Variants in PAG1 observed in about 807,000 individuals in gnomAD.
PAG1 encodes phosphoprotein membrane anchor with glycosphingolipid microdomains 1, also known as phosphoprotein associated with glycosphingolipid-enriched microdomains 1.
A neutral mutation model predicts 31.7 loss-of-function variants in PAG1; 23 were observed. That is an observed-to-expected ratio of 0.73 (90% CI 0.52 to 1.03). The LOEUF is 1.03. Among genes scored for constraint, PAG1 ranks in the 50% least tolerant of loss-of-function variants. The pLI is 0.00. For missense variants in PAG1, 473 were observed against 540.7 expected, an observed-to-expected ratio of 0.87 and a Z score of 1.24; for synonymous variants, 214 against 210.3, an observed-to-expected ratio of 1.02 and a Z score of -0.15.
At chr8:81,095,456 C>T (rs1261280028) in intron 1 of PAG1, among the ~76,000 whole-genome samples, 1 of 152,210 alleles carries the variant, frequency 6.6e-6, no homozygotes, top group Non-Finnish European at 1.5e-5. Flanking sequence ...TGGCCTCCTT[C>T]AACTGCCTGC....
chr8:81,025,653 T>C (rs953115930), intron 3 of PAG1, among the ~76,000 whole-genome samples: 5 of 152,228 alleles, frequency 3.3e-5, no homozygotes, highest in Non-Finnish European at 7.3e-5. Flanking sequence ...GGCAGTACCC[T>C]GGTCCTTTCT....
chr8:81,103,810 T>C (rs555477652), intron 1 of PAG1, among the ~76,000 whole-genome samples: 1 of 152,298 alleles, frequency 6.6e-6, no homozygotes, highest in Admixed American at 6.5e-5. Flanking sequence ...ACCTTCTCTT[T>C]CAGTGTGTTT....
chr8:80,984,659 C>T, intron 7 of PAG1, 117 bp downstream of exon 7: 2 of 949,968 alleles, frequency 2.1e-6, no homozygotes, highest in South Asian at 1.7e-5. Flanking sequence ...AAACAGCTCT[C>T]ATCATTCAAC....
At chr8:80,985,409 A>G in intron 6 of PAG1, 32 bp from the exon 7 acceptor site, 1 of 1,559,788 alleles carries the variant, frequency 6.4e-7, no homozygotes. Context: ...AAGCGGAGAA[A>G]GGCAAGTCTT....
rs771288662 is a variant in PAG1, at chr8:80,987,403, T to G, written c.241A>C (p.Ser81Arg). ...TTGGTGAGTGCCCCATTCTGCTCACTGCTGGCAGGAGCATCTGTTGCCAGG... is the reference window on the plus strand; with the variant it reads ...TTGGTGAGTGCCCCATTCTGCTCACGGCTGGCAGGAGCATCTGTTGCCAGG... ...TSLATDAPAS[S>R]EQNGALTNGD... Residue 81 changes from serine (S) to arginine (R), a missense_variant, in exon 6 of 9, where the codon AGT becomes CGT. Physicochemically the swap from Ser to Arg is moderately radical, Grantham distance 110. Transcript: ENST00000220597. 1.9e-5 allele frequency: 31 copies of G among 1,613,702 alleles called. No homozygotes were observed. Among genetic ancestry groups the G allele is most frequent in the Non-Finnish European group, 2.5e-5 (29 of 1,179,674 alleles).
chr8:81,093,388 A>G (rs1466874357), intron 1 of PAG1, among the ~76,000 whole-genome samples: 3 of 152,236 alleles, frequency 2.0e-5, no homozygotes, highest in Admixed American at 6.5e-5. Context: ...TAGAACATAG[A>G]TGTTTCCAGA....
intron 3 of PAG1, among the ~76,000 whole-genome samples, chr8:81,019,093 G>A (rs1808118967): frequency 6.6e-6 from 1 of 152,216 alleles, no homozygotes; most frequent in Admixed American, 6.5e-5. Context: ...CAAAGAGACT[G>A]GCAGCATTGT....
At chr8:81,049,157 C>T (rs1345054304) in intron 2 of PAG1, among the ~76,000 whole-genome samples, 7 of 152,084 alleles carry the variant, frequency 4.6e-5, no homozygotes, top group Admixed American at 2.6e-4. Context: ...AGGCATATAC[C>T]GATAGATTTT....
intron 1 of PAG1, among the ~76,000 whole-genome samples, chr8:81,086,405 T>C (rs972971968): frequency 3.3e-5 from 5 of 152,190 alleles, no homozygotes; most frequent in African/African-American, 9.7e-5. Flanking sequence ...TAGTTCATTT[T>C]TTCATCCTCA....
At chr8:81,060,379 C>A (rs1461791986) in intron 2 of PAG1, among the ~76,000 whole-genome samples, 1 of 152,146 alleles carries the variant, frequency 6.6e-6, no homozygotes, top group Non-Finnish European at 1.5e-5. Context: ...AGCAGAGCAG[C>A]CACGGATGTT....
chr8:81,052,043 T>C (rs1244215660), intron 2 of PAG1, among the ~76,000 whole-genome samples: 3 of 146,496 alleles, frequency 2.0e-5, no homozygotes, highest in South Asian at 2.1e-4. Flanking sequence ...GGCAGGAGAA[T>C]GGCGTGAACC....
chr8:81,053,137 G>A (rs986808370), intron 2 of PAG1, among the ~76,000 whole-genome samples: 4 of 152,126 alleles, frequency 2.6e-5, no homozygotes, highest in African/African-American at 9.7e-5. Flanking sequence ...GAATGAACAT[G>A]AATGTATTAT....
intron 1 of PAG1, among the ~76,000 whole-genome samples, chr8:81,104,347 C>T (rs1426833365): frequency 1.3e-5 from 2 of 151,524 alleles, no homozygotes; most frequent in Non-Finnish European, 2.9e-5. Flanking sequence ...TCTTACTATG[C>T]CATCTCTTTT....
intron 1 of PAG1, among the ~76,000 whole-genome samples, chr8:81,086,728 T>C (rs923811306): frequency 5.9e-5 from 9 of 152,134 alleles, no homozygotes; most frequent in African/African-American, 2.2e-4. Flanking sequence ...GAAAAGATGT[T>C]CCACCTCATT....
chr8:81,086,145 C>G (rs1195526270), intron 1 of PAG1, among the ~76,000 whole-genome samples: 1 of 150,802 alleles, frequency 6.6e-6, no homozygotes, highest in African/African-American at 2.4e-5. Context: ...CCACGCCCGG[C>G]TAATTTTTTG....
chr8:81,105,500 G>A (rs1809679790), intron 1 of PAG1, among the ~76,000 whole-genome samples: 1 of 152,134 alleles, frequency 6.6e-6, no homozygotes. Flanking sequence ...CACTCTGGTT[G>A]CAATTCCCAA....
chr8:80,980,262 C>T (rs959102432), intron 8 of PAG1, among the ~76,000 whole-genome samples, 173 bp downstream of exon 8: 27 of 152,082 alleles, frequency 1.8e-4, no homozygotes, highest in African/African-American at 5.8e-4. Flanking sequence ...CTGGCCTGCC[C>T]GTCAGTCTCT....
At chr8:81,108,363 C>T (rs1046147702) in intron 1 of PAG1, among the ~76,000 whole-genome samples, 2 of 152,166 alleles carry the variant, frequency 1.3e-5, no homozygotes, top group African/African-American at 2.4e-5. Flanking sequence ...GGGCACTTTG[C>T]AACTATGGTA....
intron 1 of PAG1, among the ~76,000 whole-genome samples, chr8:81,078,848 C>T (rs1809218886): frequency 6.6e-6 from 1 of 152,154 alleles, no homozygotes; most frequent in African/African-American, 2.4e-5. Context: ...CTCAAGCTTA[C>T]ACAATAGTAT....
Sources: gnomAD v4.1 joint callset for allele counts (sites outside exome capture counted in the v4.1 genomes callset) on GRCh38, gnomAD v4.1.1 for gene constraint, MANE v1.5 for transcripts, NCBI Gene and HGNC (gene_info 2026-07-23, HGNC 2026-07-21) for gene names.